Variants in RYR2 observed in about 807,000 individuals in gnomAD.
RYR2 encodes the protein cardiac muscle ryanodine receptor-calcium release channel.
Under a neutral mutation model 601.1 loss-of-function variants are expected in RYR2, and 227 were observed. The observed-to-expected ratio is 0.38, with a 90% CI of 0.34 to 0.42. The LOEUF is 0.42. Ranked by LOEUF, RYR2 falls within the 10% of genes least tolerant of loss-of-function variation. The pLI, the probability that RYR2 is intolerant of heterozygous loss-of-function variation, is 1.00. For missense variants in RYR2, 4,646 were observed against 6,156.5 expected (o/e 0.75, Z 8.21); for synonymous variants, 2,223 against 2,175.1 (o/e 1.02, Z -0.61).
At chr1:237,647,919 C>T (rs901062583) in intron 48 of RYR2, among the ~76,000 whole-genome samples, 20 of 152,224 alleles carry the variant, frequency 1.3e-4, no homozygotes, top group African/African-American at 2.9e-4. Context: ...CTTAAATGCA[C>T]GTTAAATGCT....
Position 237,723,182 on chromosome 1 carries a change from A to G in RYR2, c.10609A>G (p.Arg3537Gly). The change falls in exon 74 of 105, where the codon AGG (arginine) becomes GGG (glycine). Residue 3537 changes from arginine (R) to glycine (G), a missense_variant. This residue lies in a region of RYR2 where 1,497 missense variants were observed against 1,842.6 expected (regional missense o/e 0.81). Coordinates refer to ENST00000366574, the MANE Select transcript of RYR2 (RefSeq NM_001035.3). ...QMALYKDLPNRTDDTSDPEKT... is the reference protein window; with the variant it reads ...QMALYKDLPNGTDDTSDPEKT... ...GGCTCTTTACAAAGACTTACCAAACAGGACTGATGATACCTCAGATCCAGA... is the reference window on the plus strand; with the variant it reads ...GGCTCTTTACAAAGACTTACCAAACGGGACTGATGATACCTCAGATCCAGA... 1 of 1,611,306 alleles carries G rather than the reference A, an allele frequency of 6.2e-7. No individual in the cohort carries two copies. Among genetic ancestry groups the G allele is most frequent in the Non-Finnish European group, 8.5e-7 (1 of 1,177,772 alleles).
chr1:237,644,390 G>A (rs920990629), intron 48 of RYR2, among the ~76,000 whole-genome samples: 37 of 151,680 alleles, frequency 2.4e-4, no homozygotes, highest in African/African-American at 7.5e-4. Context: ...GTGTCACCAC[G>A]TTGGGCTAAT....
In RYR2 at chr1:237,639,007, T is replaced by C. The variant is rs1405186238; in HGVS notation, c.6929-8T>C. On this transcript the variant is annotated splice_region_variant and splice_polypyrimidine_tract_variant and intron_variant, in intron 45 of 104. Transcript: ENST00000366574. The stretch of plus-strand genomic sequence containing the variant: ...ATTTGTTTACTTATCTTCCCCATTC[T>C]ACTTTAGGGGAGAGTGTGGAGGAAA... 6.2e-7 allele frequency: 1 copy of C among 1,613,424 alleles called. No homozygotes were observed. The highest frequency in any genetic ancestry group is 8.5e-7 in the Non-Finnish European group (1 of 1,179,618).
chr1:237,340,059 A>G (rs1308790982), intron 3 of RYR2, among the ~76,000 whole-genome samples: 1 of 152,180 alleles, frequency 6.6e-6, no homozygotes, highest in African/African-American at 2.4e-5. Flanking sequence ...AGGTCAGATA[A>G]TTTCTAACAT....
At chr1:237,339,661 T>G (rs1022105184) in intron 3 of RYR2, among the ~76,000 whole-genome samples, 4 of 152,148 alleles carry the variant, frequency 2.6e-5, no homozygotes, top group Non-Finnish European at 4.4e-5. Flanking sequence ...AAGAGAAGAT[T>G]CAGATTTAGT....
Position 237,756,315 on chromosome 1 carries a change from C to G in RYR2, c.11173C>G (p.Leu3725Val). Residue 3725 changes from leucine (L) to valine (V), a missense_variant, in exon 81 of 105, where the codon CTA becomes GTA. Physicochemically the swap from Leu to Val is conservative, Grantham distance 32. Coordinates refer to ENST00000366574, the MANE Select transcript of RYR2 (RefSeq NM_001035.3). Reference protein sequence around the residue: ...EEKEMEKQKLLYQQARLHDRG... With the variant: ...EEKEMEKQKLVYQQARLHDRG... The stretch of plus-strand genomic sequence containing the variant: ...AAAAGAAATGGAAAAGCAAAAGCTT[C>G]TATACCAGCAAGCCCGACTCCACGA... 1.9e-6 allele frequency: 3 copies of G among 1,613,400 alleles called. No homozygotes were observed. The highest frequency in any genetic ancestry group is 2.5e-6 in the Non-Finnish European group (3 of 1,179,462).
chr1:237,105,779 G>T (rs1668591460), intron 1 of RYR2, among the ~76,000 whole-genome samples: 1 of 147,322 alleles, frequency 6.8e-6, no homozygotes, highest in Non-Finnish European at 1.5e-5. Context: ...AGGTTGCAGT[G>T]AGCTGAGATT....
At chr1:237,548,757 A>G (rs1670082632) in intron 26 of RYR2, among the ~76,000 whole-genome samples, 167 bp downstream of exon 26, 1 of 152,218 alleles carries the variant, frequency 6.6e-6, no homozygotes, top group South Asian at 2.1e-4. Flanking sequence ...AAGAATTTAC[A>G]TGACCTTAGT....
intron 16 of RYR2, among the ~76,000 whole-genome samples, chr1:237,458,574 T>C (rs1266467430): frequency 3.9e-5 from 6 of 152,216 alleles, no homozygotes; most frequent in Non-Finnish European, 8.8e-5. Flanking sequence ...TAAGTGTGAT[T>C]GATTTCTAAG....
chr1:237,371,341 A>G (rs1220932461), intron 6 of RYR2, among the ~76,000 whole-genome samples: 1 of 151,932 alleles, frequency 6.6e-6, no homozygotes, highest in African/African-American at 2.4e-5. Flanking sequence ...TTTATTGTAG[A>G]GATGGGAGTC....
intron 16 of RYR2, among the ~76,000 whole-genome samples, chr1:237,461,492 A>G (rs1301860742): frequency 2.0e-5 from 3 of 152,008 alleles, no homozygotes; most frequent in East Asian, 3.9e-4. Context: ...AACTCTCTGT[A>G]TTGCGTTCTT....
rs79761691 is a variant in RYR2, at chr1:237,088,509, C to T, written c.48+45940C>T. 3.7e-4 allele frequency among the ~76,000 whole-genome samples: 56 copies of T among 152,332 alleles called. 1 individual carries two copies. In the East Asian group the frequency reaches 0.01, roughly 27 times the overall value. On this transcript the variant is annotated intron_variant, in intron 1 of 104. Transcript: ENST00000366574. Reference sequence around the variant, plus strand: ...GCTTTTCGCAATTTATTATCTCAAACTCCTGTGCCCTATGAGACAAAACAA... The same window carrying T: ...GCTTTTCGCAATTTATTATCTCAAATTCCTGTGCCCTATGAGACAAAACAA...
chr1:237,791,873 C>G (rs184838470), intron 93 of RYR2: 1 of 581,592 alleles, frequency 1.7e-6, no homozygotes, highest in African/African-American at 1.9e-5. Flanking sequence ...TTTTAGCATG[C>G]ATTGGAATCC....
Position 237,658,034 on chromosome 1 carries a change from A to G in RYR2, c.8208+12A>G. On this transcript the variant is annotated intron_variant, in intron 54 of 104. Transcript: ENST00000366574. Reference sequence around the variant, plus strand: ...GGTCAATGGACAAGGTAAAAAGAGTATTACATTCTAATTCAGTAGTCATTA... The same window carrying G: ...GGTCAATGGACAAGGTAAAAAGAGTGTTACATTCTAATTCAGTAGTCATTA... 1 of 1,419,834 alleles carries G rather than the reference A, an allele frequency of 7.0e-7. No individual in the cohort carries two copies. The highest frequency in any genetic ancestry group is 9.5e-7 in the Non-Finnish European group (1 of 1,057,744). 88.0% of individuals were successfully genotyped at this position (1,419,834 alleles called of 1,614,324 possible).
At chr1:237,637,283 T>G (rs909426297) in intron 44 of RYR2, among the ~76,000 whole-genome samples, 1 of 152,248 alleles carries the variant, frequency 6.6e-6, no homozygotes, top group African/African-American at 2.4e-5. Context: ...ATTTGCTTGA[T>G]AAGTTGCTCC....
chr1:237,200,932 G>A (rs1681121248), intron 1 of RYR2, among the ~76,000 whole-genome samples: 1 of 152,188 alleles, frequency 6.6e-6, no homozygotes, highest in Admixed American at 6.5e-5. Flanking sequence ...TAGTGATGGA[G>A]CTGGGATATC....
At chr1:237,744,712 CTTT>C (rs201416765) in intron 80 of RYR2, among the ~76,000 whole-genome samples, 2 of 96,420 alleles carry the variant, frequency 2.1e-5, no homozygotes, top group Non-Finnish European at 5.2e-5. Flanking sequence ...ACTTTGCCTT[CTTT>C]TTTTAAAAAA....
At chr1:237,352,390 C>A (rs10754599) in intron 3 of RYR2, among the ~76,000 whole-genome samples, 31,220 of 151,658 alleles carry the variant, frequency 0.21, 3,318 homozygotes, top group East Asian at 0.37. Flanking sequence ...AACTCTAATA[C>A]AAGATGTGTA....
chr1:237,054,778 A>AT (rs1661767373), intron 1 of RYR2, among the ~76,000 whole-genome samples: 1 of 152,178 alleles, frequency 6.6e-6, no homozygotes, highest in African/African-American at 2.4e-5. Context: ...CACCACTACT[A>AT]TGCCTCCTAA....
Sources: gnomAD v4.1 joint callset for allele counts (sites outside exome capture counted in the v4.1 genomes callset) on GRCh38, gnomAD v4.1.1 for gene constraint, gnomAD v4.1.1 regional missense constraint, MANE v1.5 for transcripts, NCBI Gene and HGNC (gene_info 2026-07-23, HGNC 2026-07-21) for gene names.